Variants in BRINP3 observed in about 807,000 individuals in gnomAD.
The protein encoded by BRINP3 is BMP/retinoic acid-inducible neural-specific protein 3.
In BRINP3, 19 loss-of-function variants were observed where a neutral mutation model predicts 71.0. The ratio of observed to expected loss-of-function variants is 0.27; its 90% confidence interval spans 0.19 to 0.39. The LOEUF is 0.39. BRINP3 is among the 10% of genes least tolerant of loss of function. BRINP3 has a pLI of 1.00. For missense variants in BRINP3, 959 were observed against 940.8 expected, an observed-to-expected ratio of 1.02 and a Z score of -0.25; for synonymous variants, 380 against 337.7, an observed-to-expected ratio of 1.13 and a Z score of -1.37.
chr1:190,102,158 A>G (rs1651760545), intron 7 of BRINP3, among the ~76,000 whole-genome samples: 1 of 152,152 alleles, frequency 6.6e-6, no homozygotes, highest in Non-Finnish European at 1.5e-5. Context: ...GAAAGAAGAA[A>G]TTTAGTTACC....
chr1:190,167,154 T>G (rs561314279), intron 6 of BRINP3, among the ~76,000 whole-genome samples: 1 of 152,256 alleles, frequency 6.6e-6, no homozygotes, highest in South Asian at 2.1e-4. Context: ...CCAAAATCCC[T>G]GAATTTATCC....
At chr1:190,444,688 A>G (rs1240798366) in intron 2 of BRINP3, among the ~76,000 whole-genome samples, 1 of 151,870 alleles carries the variant, frequency 6.6e-6, no homozygotes, top group African/African-American at 2.4e-5. Flanking sequence ...GGCGCGCACC[A>G]GTATGCTCAG....
intron 6 of BRINP3, among the ~76,000 whole-genome samples, chr1:190,176,258 T>G (rs76396687): frequency 0.011 from 1,631 of 152,272 alleles, 24 homozygotes; most frequent in African/African-American, 0.036. Context: ...CTGTATCAAC[T>G]GCAAAGGCCA....
At chr1:190,405,450 C>T (rs1453208571) in intron 2 of BRINP3, among the ~76,000 whole-genome samples, 1 of 39,134 alleles carries the variant, frequency 2.6e-5, no homozygotes, top group African/African-American at 1.4e-4. Flanking sequence ...GACTCCGTCT[C>T]AAAAAAAAAA....
intron 6 of BRINP3, among the ~76,000 whole-genome samples, chr1:190,215,337 A>C (rs974753028): frequency 6.6e-6 from 1 of 151,924 alleles, no homozygotes; most frequent in Non-Finnish European, 1.5e-5. Flanking sequence ...AAAATATGGG[A>C]TACTTTACTG....
intron 6 of BRINP3, among the ~76,000 whole-genome samples, chr1:190,175,075 G>T (rs574266052): frequency 1.3e-5 from 2 of 152,104 alleles, no homozygotes; most frequent in African/African-American, 2.4e-5. Context: ...GCAGACTCCT[G>T]GCATTGTGTA....
At chr1:190,156,988 T>C (rs969012002) in intron 7 of BRINP3, among the ~76,000 whole-genome samples, 1 of 152,036 alleles carries the variant, frequency 6.6e-6, no homozygotes, top group Non-Finnish European at 1.5e-5. Flanking sequence ...GTGGCTTCCA[T>C]GATATATTTT....
intron 3 of BRINP3, among the ~76,000 whole-genome samples, chr1:190,274,159 A>C (rs558845151): frequency 6.6e-6 from 1 of 151,696 alleles, no homozygotes; most frequent in East Asian, 1.9e-4. Context: ...CCCAAGACAC[A>C]TAGATCAGAA....
At chr1:190,198,499 G>T (rs1654699043) in intron 6 of BRINP3, among the ~76,000 whole-genome samples, 1 of 152,082 alleles carries the variant, frequency 6.6e-6, no homozygotes, top group African/African-American at 2.4e-5. Context: ...AAAACGGAAT[G>T]ATTTTAACAG....
intron 4 of BRINP3, among the ~76,000 whole-genome samples, chr1:190,258,461 A>T (rs756540228): frequency 3.1e-4 from 47 of 152,202 alleles, no homozygotes; most frequent in Admixed American, 5.2e-4. Context: ...TAAAACTAAA[A>T]GCTCATTCTT....
intron 4 of BRINP3, among the ~76,000 whole-genome samples, chr1:190,242,156 G>A (rs190775437): frequency 2.3e-3 from 354 of 151,864 alleles, no homozygotes; most frequent in African/African-American, 6.9e-3. Context: ...CAAAATGTTC[G>A]TCTCAGAATA....
At position 190,234,505 on chromosome 1, in the gene BRINP3, T is replaced by C. The variant is rs770669626; in HGVS notation, c.619-28A>G. On this transcript the variant is annotated intron_variant, in intron 4 of 7. Coordinates refer to ENST00000367462, the MANE Select transcript of BRINP3 (RefSeq NM_199051.3). Reference sequence around the variant, plus strand: ...GGCAAACAAAACATCAACTTTATTATCTAAATCAGACTTTACAATGTCCTT... The same window carrying C: ...GGCAAACAAAACATCAACTTTATTACCTAAATCAGACTTTACAATGTCCTT... The C allele has an allele frequency of 3.3e-6, 5 of 1,532,430 alleles. No homozygotes were observed. The South Asian group carries it at 5.6e-5, about 17-fold the overall frequency. The allele number at this position is 1,532,430 out of a possible 1,614,324, so 94.9% of individuals were successfully genotyped here.
chr1:190,247,658 C>A (rs1159634568), intron 4 of BRINP3, among the ~76,000 whole-genome samples: 1 of 151,746 alleles, frequency 6.6e-6, no homozygotes, highest in Admixed American at 6.6e-5. Context: ...ACTTCTCACC[C>A]TCTAATACCC....
chr1:190,206,511 A>G (rs542484480), intron 6 of BRINP3, among the ~76,000 whole-genome samples: 1 of 152,202 alleles, frequency 6.6e-6, no homozygotes, highest in Admixed American at 6.6e-5. Flanking sequence ...TGATAAAAAA[A>G]GAGGGACTCT....
At chr1:190,135,103 A>T (rs1654859426) in intron 7 of BRINP3, among the ~76,000 whole-genome samples, 1 of 152,098 alleles carries the variant, frequency 6.6e-6, no homozygotes, top group Non-Finnish European at 1.5e-5. Flanking sequence ...TCTTCCCAAG[A>T]AACCTAGATG....
chr1:190,206,930 G>A (rs535734490), intron 6 of BRINP3, among the ~76,000 whole-genome samples: 76 of 148,806 alleles, frequency 5.1e-4, no homozygotes, highest in Middle Eastern at 7.2e-3. Context: ...CAGAGAGAAA[G>A]AATAAATATT....
At chr1:190,344,079 A>T (rs748292412) in intron 2 of BRINP3, among the ~76,000 whole-genome samples, 1 of 151,926 alleles carries the variant, frequency 6.6e-6, no homozygotes, top group East Asian at 1.9e-4. Context: ...GATAAAACGA[A>T]CTATGTTTAT....
intron 2 of BRINP3, among the ~76,000 whole-genome samples, chr1:190,454,425 C>T (rs1571355134): frequency 6.6e-6 from 1 of 152,244 alleles, no homozygotes; most frequent in East Asian, 1.9e-4. Flanking sequence ...GTGTAGCATG[C>T]TTAAATTTGG....
intron 2 of BRINP3, among the ~76,000 whole-genome samples, chr1:190,335,460 G>C (rs1187017301): frequency 1.3e-5 from 2 of 151,642 alleles, no homozygotes; most frequent in Non-Finnish European, 3.0e-5. Flanking sequence ...CTTACATGTA[G>C]ATGTTTAAAA....
Sources: gnomAD v4.1 joint callset for allele counts (sites outside exome capture counted in the v4.1 genomes callset) on GRCh38, gnomAD v4.1.1 for gene constraint, MANE v1.5 for transcripts, NCBI Gene and HGNC (gene_info 2026-07-23, HGNC 2026-07-21) for gene names.